The following ANTXR1 variants were observed in gnomAD, a reference collection of about 807,000 sequenced individuals.
The protein encoded by ANTXR1 is ANTXR cell adhesion molecule 1, also known as anthrax toxin receptor 1.
In ANTXR1, 19 loss-of-function variants were observed where a neutral mutation model predicts 78.1. That is an observed-to-expected ratio of 0.24 (90% CI 0.17 to 0.36). The LOEUF (loss-of-function observed/expected upper bound fraction) is 0.36, where lower values mean the gene tolerates loss of function less well. Among genes scored for constraint, ANTXR1 ranks in the 10% least tolerant of loss-of-function variants. The pLI, the probability that ANTXR1 is intolerant of heterozygous loss-of-function variation, is 1.00. For synonymous variants in ANTXR1, 273 were observed against 260.5 expected (o/e 1.05, Z -0.46); for missense variants, 518 against 718.6 (o/e 0.72, Z 3.19).
intron 17 of ANTXR1, among the ~76,000 whole-genome samples, chr2:69,243,507 A>T (rs943956191): frequency 6.6e-6 from 1 of 152,132 alleles, no homozygotes; most frequent in Admixed American, 6.5e-5. Context: ...ATGATTTATG[A>T]CTTGAAGGAT....
At position 69,071,758 on chromosome 2, in the gene ANTXR1, G is replaced by T; in HGVS notation, c.383G>T (p.Ser128Ile). The change falls in exon 5 of 18, where the codon AGT (serine) becomes ATT (isoleucine). Residue 128 changes from serine to isoleucine, a missense_variant. This residue lies in a region of ANTXR1 where 264 missense variants were observed against 391.8 expected (regional missense o/e 0.67). Coordinates refer to ENST00000303714, the MANE Select transcript of ANTXR1 (RefSeq NM_032208.3). ...TYMHEGFERA[S>I]EQIYYENRQG... ...GCTCTTTCATATGTTTTTCAGGCCA[G>T]TGAGCAGATTTATTATGAAAACAGA... 1 of 1,613,888 alleles carries T rather than the reference G, an allele frequency of 6.2e-7. No individual in the cohort carries two copies. The highest frequency in any genetic ancestry group is 8.5e-7 in the Non-Finnish European group (1 of 1,179,824).
chr2:69,121,028 C>G (rs1672330385), intron 10 of ANTXR1, among the ~76,000 whole-genome samples: 1 of 152,180 alleles, frequency 6.6e-6, no homozygotes, highest in South Asian at 2.1e-4. Context: ...GTGCCTCCCC[C>G]TCTCCCACTC....
intron 12 of ANTXR1, among the ~76,000 whole-genome samples, chr2:69,125,783 G>A (rs995086376): frequency 6.6e-6 from 1 of 152,100 alleles, no homozygotes; most frequent in African/African-American, 2.4e-5. Flanking sequence ...GGAGGTTGCA[G>A]TGAGCTGAGA....
intron 10 of ANTXR1, among the ~76,000 whole-genome samples, chr2:69,112,134 C>G (rs1318886343): frequency 6.6e-6 from 1 of 152,162 alleles, no homozygotes; most frequent in Non-Finnish European, 1.5e-5. Context: ...GGATGCCCAT[C>G]AGAATCACCA....
chr2:69,074,106 G>A (rs541563703), intron 6 of ANTXR1, among the ~76,000 whole-genome samples: 4 of 152,270 alleles, frequency 2.6e-5, no homozygotes, highest in South Asian at 4.1e-4. Context: ...TGCTGCCCTC[G>A]TGAGTCACCA....
chr2:69,066,808 GCCTAAAAC>G (rs954288498), intron 3 of ANTXR1, among the ~76,000 whole-genome samples: 1 of 152,100 alleles, frequency 6.6e-6, no homozygotes, highest in Non-Finnish European at 1.5e-5. Flanking sequence ...AAAACAAATG[GCCTAAAAC>G]CCTTAGCTTC....
chr2:69,037,659 G>A (rs1199843794), intron 1 of ANTXR1, among the ~76,000 whole-genome samples: 2 of 151,910 alleles, frequency 1.3e-5, no homozygotes, highest in South Asian at 2.1e-4. Context: ...TAGTAGAGAC[G>A]GGGTTTCGCC....
intron 16 of ANTXR1, among the ~76,000 whole-genome samples, chr2:69,187,461 G>GGCAT: frequency 6.6e-6 from 1 of 151,842 alleles, no homozygotes; most frequent in South Asian, 2.1e-4. Context: ...TCCTATGCAT[G>GGCAT]GCATGCACAC....
intron 17 of ANTXR1, among the ~76,000 whole-genome samples, chr2:69,233,942 A>G (rs972981400): frequency 2.0e-5 from 3 of 152,120 alleles, no homozygotes. Context: ...TAGCAACAAT[A>G]AAATAAATCT....
chr2:69,242,233 G>A (rs773909883), intron 17 of ANTXR1, among the ~76,000 whole-genome samples: 4 of 152,114 alleles, frequency 2.6e-5, no homozygotes, highest in Non-Finnish European at 5.9e-5. Context: ...CACCACGGCG[G>A]CAGCTGGAAG....
Position 69,090,939 on chromosome 2 carries a change from T to C in ANTXR1, c.703+20T>C. 6.2e-7 allele frequency: 1 copy of C among 1,609,040 alleles called. No homozygotes were observed. The stretch of plus-strand genomic sequence containing the variant: ...CAGGAGGTAAATTGAAATGAAATGC[T>C]AATTGCTTTCATACAATTGATGATA... On this transcript the variant is annotated intron_variant, in intron 9 of 17. Transcript: ENST00000303714.
intron 1 of ANTXR1, among the ~76,000 whole-genome samples, chr2:69,033,453 A>G (rs1034004540): frequency 2.0e-5 from 3 of 152,230 alleles, no homozygotes; most frequent in African/African-American, 7.2e-5. Flanking sequence ...TGCAAAGAGT[A>G]GAAGCAAAAT....
At chr2:69,185,094 C>T (rs1049106522) in intron 16 of ANTXR1, among the ~76,000 whole-genome samples, 1 of 152,158 alleles carries the variant, frequency 6.6e-6, no homozygotes, top group Non-Finnish European at 1.5e-5. Flanking sequence ...TGTAGTAAAG[C>T]ACTGGCTCTC....
intron 10 of ANTXR1, among the ~76,000 whole-genome samples, chr2:69,105,196 C>T (rs1671764879): frequency 2.0e-5 from 3 of 152,320 alleles, no homozygotes; most frequent in Admixed American, 6.5e-5. Context: ...TCTTGGGAAA[C>T]CAGTCCATCC....
chr2:69,071,847 GA>G, intron 5 of ANTXR1, 60 bp downstream of exon 5: 1 of 1,472,434 alleles, frequency 6.8e-7, no homozygotes, highest in Non-Finnish European at 9.5e-7. Context: ...GTTTGTTGCT[GA>G]AAAAGTGCTT....
At chr2:69,116,418 T>C (rs747808372) in intron 10 of ANTXR1, among the ~76,000 whole-genome samples, 55 of 152,240 alleles carry the variant, frequency 3.6e-4, no homozygotes, top group Admixed American at 3.5e-3. Flanking sequence ...AAGTCTAACT[T>C]TTTTCAGGCT....
chr2:69,026,414 G>A (rs1327065907), intron 1 of ANTXR1, among the ~76,000 whole-genome samples: 1 of 152,168 alleles, frequency 6.6e-6, no homozygotes, highest in East Asian at 1.9e-4. Flanking sequence ...GAACAGCGTT[G>A]GCCACACTGG....
At chr2:69,036,617 C>A (rs1669435912) in intron 1 of ANTXR1, among the ~76,000 whole-genome samples, 1 of 152,144 alleles carries the variant, frequency 6.6e-6, no homozygotes, top group African/African-American at 2.4e-5. Flanking sequence ...CTCACCCTAC[C>A]CCCTCAGTAA....
At chr2:69,082,249 G>A (rs1004068790) in intron 8 of ANTXR1, among the ~76,000 whole-genome samples, 7 of 152,110 alleles carry the variant, frequency 4.6e-5, no homozygotes, top group South Asian at 2.1e-4. Flanking sequence ...AAGTACCATC[G>A]TCCTGAGAAG....
Sources: gnomAD v4.1 joint callset for allele counts (sites outside exome capture counted in the v4.1 genomes callset) on GRCh38, gnomAD v4.1.1 for gene constraint, gnomAD v4.1.1 regional missense constraint, MANE v1.5 for transcripts, NCBI Gene and HGNC (gene_info 2026-07-23, HGNC 2026-07-21) for gene names.